TRIM26: variants seen among roughly 807,000 people sequenced by gnomAD.
The protein encoded by TRIM26 is tripartite motif-containing protein 26.
A neutral mutation model predicts 45.5 loss-of-function variants in TRIM26; 16 were observed. That is an observed-to-expected ratio of 0.35 (90% CI 0.24 to 0.53). The LOEUF (loss-of-function observed/expected upper bound fraction) is 0.53. TRIM26 is among the 20% of genes least tolerant of loss of function. The pLI is 0.92. For synonymous variants in TRIM26, 273 were observed against 290.4 expected, an observed-to-expected ratio of 0.94 and a Z score of 0.61; for missense variants, 442 against 691.1, an observed-to-expected ratio of 0.64 and a Z score of 4.04.
intron 6 of TRIM26, among the ~76,000 whole-genome samples, chr6:30,192,669 A>G (rs1183630243): frequency 6.6e-6 from 1 of 152,066 alleles, no homozygotes; most frequent in Non-Finnish European, 1.5e-5. Context: ...GTGAATCACC[A>G]CACCAGCCTC....
At position 30,190,419 on chromosome 6, in the gene TRIM26, C is replaced by T. The variant is rs912140141; in HGVS notation, c.766-384G>A. Reference sequence around the variant, plus strand: ...GGTAAGGAGTTTCACTTTTGCTCCACGTACAGTGGAAACCCACCAAGGGTT... The same window carrying T: ...GGTAAGGAGTTTCACTTTTGCTCCATGTACAGTGGAAACCCACCAAGGGTT... On this transcript the variant is annotated intron_variant, in intron 6 of 9. Transcript: ENST00000454678. This position sits in a 1 kb window ranked among gnomAD's most constrained non-coding sequence, Gnocchi z 4.3. The T allele has an allele frequency of 1.4e-5, 4 of 283,292 alleles. No individual in the cohort carries two copies. The highest frequency in any genetic ancestry group is 4.4e-5 in the Admixed American group (1 of 22,526). The allele number at this position is 283,292 out of a possible 1,614,324, so 17.5% of individuals were successfully genotyped here.
intron 1 of TRIM26, among the ~76,000 whole-genome samples, chr6:30,206,856 C>A (rs885912): frequency 0.23 from 35,545 of 152,172 alleles, 4,715 homozygotes; most frequent in African/African-American, 0.35. Flanking sequence ...CAGAGGAGGA[C>A]AGTGAGTGCC....
At chr6:30,188,947 G>C (rs1775508512) in intron 9 of TRIM26, among the ~76,000 whole-genome samples, 1 of 152,052 alleles carries the variant, frequency 6.6e-6, no homozygotes, top group African/African-American at 2.4e-5. Context: ...GCAAACACAG[G>C]GCAGAGAAGG....
At chr6:30,210,503 T>C (rs972307320) in intron 1 of TRIM26, among the ~76,000 whole-genome samples, 16 of 152,136 alleles carry the variant, frequency 1.1e-4, no homozygotes, top group African/African-American at 3.9e-4. Flanking sequence ...TCCTGCAGCT[T>C]TGCATACACT....
intron 5 of TRIM26, among the ~76,000 whole-genome samples, chr6:30,197,898 T>C (rs1160987550): frequency 1.3e-5 from 2 of 152,060 alleles, no homozygotes; most frequent in African/African-American, 2.4e-5. Context: ...CCCACAGATA[T>C]GGAGGAGGTC....
At chr6:30,204,814 G>C (rs1777560809) in intron 1 of TRIM26, 49 bp from the exon 2 acceptor site, 1 of 151,446 alleles carries the variant, frequency 6.6e-6, no homozygotes, top group African/African-American at 2.4e-5. Context: ...AAACCTCAGA[G>C]ATGACCCACT....
At chr6:30,212,409 T>C (rs1217311546) in intron 1 of TRIM26, among the ~76,000 whole-genome samples, 2 of 152,200 alleles carry the variant, frequency 1.3e-5, no homozygotes, top group Non-Finnish European at 2.9e-5. Context: ...TAATAATGTA[T>C]TGATATTGGT....
intron 6 of TRIM26, among the ~76,000 whole-genome samples, chr6:30,191,784 C>G (rs1775870732): frequency 6.6e-6 from 1 of 152,234 alleles, no homozygotes; most frequent in African/African-American, 2.4e-5. Flanking sequence ...GCCAAGTCCT[C>G]TAACATGCCC....
At chr6:30,187,962 G>A (rs368596166) in intron 9 of TRIM26, among the ~76,000 whole-genome samples, 14 of 120,212 alleles carry the variant, frequency 1.2e-4, no homozygotes, top group East Asian at 5.2e-4. Flanking sequence ...GCTCACGCCT[G>A]TAATCCCAGC....
chr6:30,199,871 C>T (rs1032424754), intron 3 of TRIM26, among the ~76,000 whole-genome samples: 3 of 152,074 alleles, frequency 2.0e-5, no homozygotes, highest in Non-Finnish European at 4.4e-5. Flanking sequence ...CTCCCGACCT[C>T]GTGATCCACC....
intron 6 of TRIM26, among the ~76,000 whole-genome samples, chr6:30,193,183 T>TATATATATA (rs1554201635): frequency 4.4e-4 from 18 of 41,140 alleles, no homozygotes; most frequent in African/African-American, 1.1e-3. Flanking sequence ...TATATATATA[T>TATATATATA]TTTTTTTTTT....
Position 30,198,722 on chromosome 6 carries a change from G to A in TRIM26, c.382C>T (p.Arg128Trp), listed in dbSNP as rs150992843. 13 of 1,604,554 alleles carry A rather than the reference G, an allele frequency of 8.1e-6. No individual in the cohort carries two copies. The highest frequency in any genetic ancestry group is 1.3e-5 in the African/African-American group (1 of 74,874). ...KLLCVMCRES[R>W]EHRPHTAVLM... is the part of the protein sequence containing the mutation. ...ACGGCCGTGTGGGGCCTGTGCTCCC[G>A]GGACTCCCGGCACATCACGCACAGC... Residue 128 changes from arginine to tryptophan, a missense_variant, in exon 4 of 10, where the codon CGG (arginine) becomes TGG (tryptophan). By Grantham distance (101) the Arg-to-Trp change is moderately radical (BLOSUM62 -3). Coordinates refer to ENST00000454678, the MANE Select transcript of TRIM26 (RefSeq NM_003449.5). This position sits in a 1 kb window ranked among gnomAD's most constrained non-coding sequence, Gnocchi z 6.3.
Position 30,198,469 on chromosome 6 carries a change from C to T in TRIM26, c.494G>A (p.Gly165Asp). Residue 165 changes from glycine (G) to aspartate (D), a missense_variant, in exon 5 of 10, where the codon GGC (glycine) becomes GAC (aspartate). Coordinates refer to ENST00000454678, the MANE Select transcript of TRIM26 (RefSeq NM_003449.5). This position sits in a 1 kb window ranked among gnomAD's most constrained non-coding sequence, Gnocchi z 6.3. ...TLRRDRDKIQ[G>D]FQAKGEADIL... Reference sequence around the variant, plus strand: ...ATCAGCTTCTCCCTTTGCCTGGAAGCCCTGAATTTTGTCTCTGTCCCTCCT... The same window carrying T: ...ATCAGCTTCTCCCTTTGCCTGGAAGTCCTGAATTTTGTCTCTGTCCCTCCT... 2 of 1,613,106 alleles carry T rather than the reference C, an allele frequency of 1.2e-6. No individual in the cohort carries two copies. Among genetic ancestry groups the T allele is most frequent in the South Asian group, 1.1e-5 (1 of 91,086 alleles).
chr6:30,199,415 G>A (rs1430446037), intron 3 of TRIM26, among the ~76,000 whole-genome samples, 151 bp from the exon 4 acceptor site: 1 of 152,194 alleles, frequency 6.6e-6, no homozygotes, highest in African/African-American at 2.4e-5. Context: ...GCTGTTGGGA[G>A]AGCCTCAACA....
At position 30,189,602 on chromosome 6, in the gene TRIM26, A is replaced by C; in HGVS notation, c.789-69T>G. On this transcript the variant is annotated intron_variant, in intron 7 of 9. Coordinates refer to ENST00000454678, the MANE Select transcript of TRIM26 (RefSeq NM_003449.5). This position sits in a 1 kb window ranked among gnomAD's most constrained non-coding sequence, Gnocchi z 5.0. ...TACTTTCCTTCATACTTATCTCTCAATCCTCATGGCAATTATGAAGGGGAG... is the reference window on the plus strand; with the variant it reads ...TACTTTCCTTCATACTTATCTCTCACTCCTCATGGCAATTATGAAGGGGAG... The C allele has an allele frequency of 7.7e-7, 1 of 1,294,898 alleles. No individual in the cohort carries two copies. Among genetic ancestry groups the C allele is most frequent in the Non-Finnish European group, 1.1e-6 (1 of 896,830 alleles). The allele number at this position is 1,294,898 out of a possible 1,614,324, so 80.2% of individuals were successfully genotyped here. A position where few individuals can be genotyped will look rare whatever the true frequency, so the allele number is the denominator to read the frequency against.
chr6:30,198,972 G>T lies in TRIM26; in HGVS notation c.132C>A (p.Arg44=). The stretch of plus-strand genomic sequence containing the variant: ...AGACGGGGCGGCTCCCTGAGATGGG[G>T]CGGACGTCTGTGGTGCAGCTGCGGC... ...VFCRSCTTDV[R]PISGSRPVCP... is the part of the protein sequence containing the mutation. Residue 44 remains arginine, a synonymous_variant, in exon 4 of 10, where the codon CGC becomes CGA. Transcript: ENST00000454678. The surrounding 1 kb of genome is among the most constrained non-coding windows in gnomAD (Gnocchi z 6.3). The T allele has an allele frequency of 1.9e-6, 3 of 1,612,784 alleles. No individual in the cohort carries two copies. Among genetic ancestry groups the T allele is most frequent in the Non-Finnish European group, 2.5e-6 (3 of 1,179,848 alleles).
chr6:30,191,803 A>T (rs1268906059), intron 6 of TRIM26, among the ~76,000 whole-genome samples: 2 of 152,222 alleles, frequency 1.3e-5, no homozygotes, highest in East Asian at 3.8e-4. Context: ...CCCTCAAAAC[A>T]TGTAAGTCCA....
In TRIM26 at chr6:30,207,170, A is replaced by C. The variant is rs567992198; in HGVS notation, c.-375-2405T>G. On this transcript the variant is annotated intron_variant, in intron 1 of 9. Transcript: ENST00000454678. This position sits in a 1 kb window ranked among gnomAD's most constrained non-coding sequence, Gnocchi z 4.9. Reference sequence around the variant, plus strand: ...AGGGTGGAGAAACAGGAGGGAACAGATTATGCAAGACTGTGACCCAGGTTA... The same window carrying C: ...AGGGTGGAGAAACAGGAGGGAACAGCTTATGCAAGACTGTGACCCAGGTTA... Among the ~76,000 whole-genome samples, 8 of 152,332 alleles carry C rather than the reference A, an allele frequency of 5.3e-5. No homozygotes were observed. In the South Asian group the frequency reaches 1.2e-3, roughly 24 times the overall value.
chr6:30,187,282 G>T, intron 9 of TRIM26: 1 of 304,764 alleles, frequency 3.3e-6, no homozygotes, highest in South Asian at 3.4e-5. Context: ...TTCCAAAACT[G>T]ACCCTGTCAA....
Sources: gnomAD v4.1 joint callset for allele counts (sites outside exome capture counted in the v4.1 genomes callset) on GRCh38, gnomAD v4.1.1 for gene constraint, Gnocchi (gnomAD v3.1) non-coding constraint, MANE v1.5 for transcripts, NCBI Gene and HGNC (gene_info 2026-07-23, HGNC 2026-07-21) for gene names.